ANKRD12: variants seen among roughly 807,000 people sequenced by gnomAD.
The protein encoded by ANKRD12 is ankyrin repeat domain-containing protein 12.
A neutral mutation model predicts 183.4 loss-of-function variants in ANKRD12; 85 were observed. The observed-to-expected ratio is 0.46, with a 90% confidence interval of 0.39 to 0.56. ANKRD12 has a LOEUF of 0.56. Among genes scored for constraint, ANKRD12 ranks in the 20% least tolerant of loss-of-function variants. The probability of loss-of-function intolerance (pLI) is 0.00; values close to 1 mark genes in which losing one functional copy is unlikely to be tolerated. For missense variants in ANKRD12, 2,405 were observed against 2,357.1 expected (o/e 1.02, Z -0.42); for synonymous variants, 914 against 800.2 (o/e 1.14, Z -2.40).
rs182232677 is a variant in ANKRD12 at position 9,167,832 on chromosome 18, C to T, written c.-51-14550C>T. The stretch of plus-strand genomic sequence containing the variant: ...GGAATGCTTCCAGTTTTTGCCCATT[C>T]AGTATGATATTGGCTGTGGGTTTGT... On this transcript the variant is annotated intron_variant, in intron 1 of 12. Transcript: ENST00000262126. 1.2e-4 allele frequency among the ~76,000 whole-genome samples: 18 copies of T among 152,310 alleles called. No homozygotes were observed. In the East Asian group the frequency reaches 3.3e-3, roughly 28 times the overall value.
At chr18:9,228,924 A>G (rs1453383176) in intron 8 of ANKRD12, among the ~76,000 whole-genome samples, 1 of 141,796 alleles carries the variant, frequency 7.1e-6, no homozygotes, top group Non-Finnish European at 1.5e-5. Flanking sequence ...TTTTTTTTTT[A>G]CTAGTTTTAT....
chr18:9,270,692 A>G (rs1259855564), intron 10 of ANKRD12, among the ~76,000 whole-genome samples: 1 of 152,214 alleles, frequency 6.6e-6, no homozygotes, highest in African/African-American at 2.4e-5. Flanking sequence ...GGTGCAGCAC[A>G]CCAGCATGGC....
chr18:9,244,997 A>G (rs2037876524), intron 8 of ANKRD12, among the ~76,000 whole-genome samples: 3 of 152,200 alleles, frequency 2.0e-5, no homozygotes, highest in Non-Finnish European at 4.4e-5. Flanking sequence ...ATGAAGTTTT[A>G]TAACAGAAGC....
intron 7 of ANKRD12, among the ~76,000 whole-genome samples, chr18:9,219,757 AG>A (rs1358863410): frequency 6.7e-6 from 1 of 149,240 alleles, no homozygotes; most frequent in Non-Finnish European, 1.5e-5. Context: ...TAGAAAGAAA[AG>A]AAAAAAAAAA....
intron 6 of ANKRD12, among the ~76,000 whole-genome samples, chr18:9,216,376 TTTATTG>T (rs1357751087): frequency 6.6e-6 from 1 of 152,210 alleles, no homozygotes; most frequent in Non-Finnish European, 1.5e-5. Flanking sequence ...TTTCTCTAGC[TTTATTG>T]TAAGAGTACA....
chr18:9,200,821 C>T (rs2035119405), intron 3 of ANKRD12, among the ~76,000 whole-genome samples: 1 of 152,120 alleles, frequency 6.6e-6, no homozygotes, highest in Non-Finnish European at 1.5e-5. Context: ...GTAAGAAGGC[C>T]AGGTATAGGC....
At chr18:9,241,082 A>G (rs1243514729) in intron 8 of ANKRD12, among the ~76,000 whole-genome samples, 1 of 152,166 alleles carries the variant, frequency 6.6e-6, no homozygotes, top group African/African-American at 2.4e-5. Flanking sequence ...TTTTTTATCA[A>G]ATGGATTATG....
At chr18:9,211,058 G>A (rs1248269970) in intron 5 of ANKRD12, among the ~76,000 whole-genome samples, 1 of 151,762 alleles carries the variant, frequency 6.6e-6, no homozygotes, top group Non-Finnish European at 1.5e-5. Context: ...GAGAATCAAG[G>A]CAAAGCAGTT....
At chr18:9,266,896 G>C (rs1421575565) in intron 10 of ANKRD12, among the ~76,000 whole-genome samples, 1 of 152,138 alleles carries the variant, frequency 6.6e-6, no homozygotes, top group Non-Finnish European at 1.5e-5. Flanking sequence ...GACACACATA[G>C]GCTCAAAATA....
In ANKRD12 at chr18:9,256,684, T is replaced by A; in HGVS notation, c.3417T>A (p.Thr1139=). 5 of 1,606,018 alleles carry A rather than the reference T, an allele frequency of 3.1e-6. No homozygotes were observed. In the South Asian group the frequency reaches 4.5e-5, roughly 14 times the overall value. ...CTGAATCCAAAAATAAAGAACTTAC[T>A]AGGTCAAAGAGTTCAGAAGTGACTG... ...TPTESKNKEL[T]RSKSSEVTDA... is the part of the protein sequence containing the mutation. Residue 1139 remains threonine (T), a synonymous_variant, in exon 9 of 13, where the codon ACT becomes ACA. Transcript: ENST00000262126.
chr18:9,241,414 A>C (rs2037655693), intron 8 of ANKRD12, among the ~76,000 whole-genome samples: 1 of 152,180 alleles, frequency 6.6e-6, no homozygotes, highest in South Asian at 2.1e-4. Context: ...TAATAGTTCA[A>C]GTCTCGTACA....
intron 10 of ANKRD12, among the ~76,000 whole-genome samples, chr18:9,266,268 C>T (rs1438982152): frequency 6.6e-6 from 1 of 152,108 alleles, no homozygotes; most frequent in African/African-American, 2.4e-5. Flanking sequence ...ACAGAGAACA[C>T]CACAAAGATA....
At chr18:9,167,548 G>A (rs1258335066) in intron 1 of ANKRD12, among the ~76,000 whole-genome samples, 1 of 152,184 alleles carries the variant, frequency 6.6e-6, no homozygotes, top group Non-Finnish European at 1.5e-5. Context: ...GAATGCTTGT[G>A]ATTTTTGTAC....
At chr18:9,233,647 A>G (rs1358041803) in intron 8 of ANKRD12, among the ~76,000 whole-genome samples, 1 of 152,134 alleles carries the variant, frequency 6.6e-6, no homozygotes, top group Non-Finnish European at 1.5e-5. Context: ...GGTGCGCGTG[A>G]TAGTGCAGTG....
rs2038528728 is a variant in ANKRD12 at position 9,255,186 on chromosome 18, T to A, written c.1919T>A (p.Leu640Gln). 1.3e-6 allele frequency: 2 copies of A among 1,572,418 alleles called. No homozygotes were observed. Among genetic ancestry groups the A allele is most frequent in the Non-Finnish European group, 8.6e-7 (1 of 1,165,928 alleles). ...ACATTTGAAAATTCAGATTGCACAC[T>A]GAAAAAAATGGATAAAGAAGGTAAA... ...SPTFENSDCT[L>Q]KKMDKEGKTL... Residue 640 changes from leucine (L) to glutamine (Q), a missense_variant, in exon 9 of 13, where the codon CTG (leucine) becomes CAG (glutamine). Around this residue, in one of 7 missense-constraint regions of ANKRD12, gnomAD observed 1,983 missense variants for 1,725.9 expected, o/e 1.15. Transcript: ENST00000262126.
chr18:9,273,845 A>AT (rs1245230917), intron 10 of ANKRD12, among the ~76,000 whole-genome samples: 2 of 152,190 alleles, frequency 1.3e-5, no homozygotes, highest in Admixed American at 6.5e-5. Flanking sequence ...TGGCCAGCAT[A>AT]TTTTAAGTGA....
intron 9 of ANKRD12, chr18:9,260,289 A>G (rs1286586322): frequency 6.6e-6 from 1 of 152,212 alleles, no homozygotes; most frequent in South Asian, 2.1e-4. Context: ...CAATAACTGT[A>G]ATCCCAATAC....
intron 9 of ANKRD12, among the ~76,000 whole-genome samples, chr18:9,261,943 C>T (rs1372958225): frequency 6.6e-6 from 1 of 152,190 alleles, no homozygotes; most frequent in African/African-American, 2.4e-5. Context: ...ACTAAAACAG[C>T]ACCAAACTAC....
chr18:9,257,533 T>C lies in ANKRD12; in HGVS notation c.4266T>C (p.Pro1422=), dbSNP rs960254096. 1.9e-6 allele frequency: 3 copies of C among 1,614,036 alleles called. No homozygotes were observed. The African/African-American group carries it at 4.0e-5, about 22-fold the overall frequency. The change falls in exon 9 of 13, where the codon CCT becomes CCC. Residue 1422 remains proline, a synonymous_variant. Coordinates refer to ENST00000262126, the MANE Select transcript of ANKRD12 (RefSeq NM_015208.5). The stretch of plus-strand genomic sequence containing the variant: ...TCCAGAATAAATCATGGGAGATGCC[T>C]GTTGATAGACTAGAGACATTAAGCA... The part of the protein sequence containing the change: ...GVIQNKSWEM[P]VDRLETLSTR...
Sources: gnomAD v4.1 joint callset for allele counts (sites outside exome capture counted in the v4.1 genomes callset) on GRCh38, gnomAD v4.1.1 for gene constraint, gnomAD v4.1.1 regional missense constraint, MANE v1.5 for transcripts, NCBI Gene and HGNC (gene_info 2026-07-23, HGNC 2026-07-21) for gene names.